The following IMMP2L variants were observed in gnomAD, a reference collection of about 807,000 sequenced individuals.
IMMP2L encodes mitochondrial inner membrane protease subunit 2.
IMMP2L carries 18 observed loss-of-function variants against 19.3 expected under a neutral mutation model. That is an observed-to-expected ratio of 0.93 (90% CI 0.64 to 1.38). IMMP2L has a LOEUF of 1.38. Ranked by LOEUF, IMMP2L falls within the 40% of genes most tolerant of loss-of-function variation. The pLI is 0.00. For missense variants in IMMP2L, 233 were observed against 218.2 expected (o/e 1.07, Z -0.43); for synonymous variants, 76 against 73.0 (o/e 1.04, Z -0.21).
At chr7:110,664,206 C>T (rs1437159656) in intron 5 of IMMP2L, among the ~76,000 whole-genome samples, 10 of 152,012 alleles carry the variant, frequency 6.6e-5, no homozygotes, top group Admixed American at 2.6e-4. Flanking sequence ...CCTAGAGAGA[C>T]TTTCTTTATG....
chr7:111,293,299 G>C (rs1214356595), intron 3 of IMMP2L, among the ~76,000 whole-genome samples: 3 of 151,890 alleles, frequency 2.0e-5, no homozygotes, highest in Admixed American at 6.6e-5. Flanking sequence ...CTTTTTGTGA[G>C]AGCAATTTTT....
chr7:111,150,663 G>A (rs867764041), intron 3 of IMMP2L, among the ~76,000 whole-genome samples: 10 of 152,114 alleles, frequency 6.6e-5, no homozygotes, highest in African/African-American at 1.2e-4. Flanking sequence ...AGAATTTTAC[G>A]CTCTCGAAGT....
At chr7:111,079,633 T>A (rs2129576262) in intron 3 of IMMP2L, among the ~76,000 whole-genome samples, 1 of 152,320 alleles carries the variant, frequency 6.6e-6, no homozygotes, top group South Asian at 2.1e-4. Context: ...CATAACATTT[T>A]TAAATTAGTA....
chr7:111,288,508 A>T (rs37756), intron 3 of IMMP2L, among the ~76,000 whole-genome samples: 92,018 of 151,858 alleles, frequency 0.61, 29,451 homozygotes, highest in African/African-American at 0.81. Flanking sequence ...TGGGAGAAAA[A>T]TTTTGCAATC....
At chr7:111,474,856 C>G (rs890535418) in intron 3 of IMMP2L, among the ~76,000 whole-genome samples, 1 of 151,906 alleles carries the variant, frequency 6.6e-6, no homozygotes, top group South Asian at 2.1e-4. Context: ...TTAATAAACC[C>G]GGAATATTTT....
At chr7:110,951,166 A>G (rs980559866) in intron 4 of IMMP2L, among the ~76,000 whole-genome samples, 3 of 151,808 alleles carry the variant, frequency 2.0e-5, no homozygotes, top group Non-Finnish European at 4.4e-5. Flanking sequence ...AAATTAGGTT[A>G]AGCAAGATGA....
intron 5 of IMMP2L, among the ~76,000 whole-genome samples, chr7:110,871,813 A>G (rs1422897214): frequency 6.6e-6 from 1 of 152,156 alleles, no homozygotes; most frequent in Non-Finnish European, 1.5e-5. Flanking sequence ...TTTAAGTATG[A>G]AATACTATCT....
In IMMP2L at chr7:111,463,627, G is replaced by A. The variant is rs143111231; in HGVS notation, c.239+23611C>T. ...CACTAGCCCCGCTCCCATAATTCTAGCTCTCACCAGAATGGGTAATTCCAT... is the reference window on the plus strand; with the variant it reads ...CACTAGCCCCGCTCCCATAATTCTAACTCTCACCAGAATGGGTAATTCCAT... On this transcript the variant is annotated intron_variant, in intron 3 of 5. Transcript: ENST00000405709. Among the ~76,000 whole-genome samples, 13 of 152,192 alleles carry A rather than the reference G, an allele frequency of 8.5e-5. No homozygotes were observed. In the East Asian group the frequency reaches 2.1e-3, roughly 25 times the overall value.
rs922808107 is a variant in IMMP2L at position 111,080,412 on chromosome 7, G to A, written c.240-116847C>T. On this transcript the variant is annotated intron_variant, in intron 3 of 5. Transcript: ENST00000405709. ...TATATGTAAACATACACACACACAC[G>A]TATATACTTATATACACATGTATAT... Among the ~76,000 whole-genome samples, 8 of 150,760 alleles carry A rather than the reference G, an allele frequency of 5.3e-5. No individual in the cohort carries two copies. In the South Asian group the frequency reaches 6.3e-4, roughly 12 times the overall value.
At chr7:111,511,263 T>C (rs1845410702) in intron 2 of IMMP2L, among the ~76,000 whole-genome samples, 1 of 152,002 alleles carries the variant, frequency 6.6e-6, no homozygotes, top group Non-Finnish European at 1.5e-5. Flanking sequence ...AATGACACCA[T>C]CGCTCCCCTG....
chr7:110,889,508 G>T (rs1040017917), intron 4 of IMMP2L, among the ~76,000 whole-genome samples: 1 of 152,108 alleles, frequency 6.6e-6, no homozygotes, highest in Non-Finnish European at 1.5e-5. Context: ...ACGAGGCGGG[G>T]CTCAGGCAGT....
intron 3 of IMMP2L, among the ~76,000 whole-genome samples, chr7:110,965,339 T>C (rs761755388): frequency 6.6e-6 from 1 of 152,068 alleles, no homozygotes; most frequent in Non-Finnish European, 1.5e-5. Flanking sequence ...ATTCAAACTG[T>C]ACATTTCATC....
chr7:111,367,289 A>G (rs994691356), intron 3 of IMMP2L, among the ~76,000 whole-genome samples: 8 of 151,946 alleles, frequency 5.3e-5, no homozygotes, highest in African/African-American at 1.2e-4. Flanking sequence ...CAAAACTACA[A>G]TAAGAATACG....
chr7:110,994,897 T>A (rs963260776), intron 3 of IMMP2L, among the ~76,000 whole-genome samples: 1 of 152,058 alleles, frequency 6.6e-6, no homozygotes, highest in Non-Finnish European at 1.5e-5. Flanking sequence ...TCAATTGATA[T>A]TACACAGAAA....
chr7:111,510,385 T>C (rs758311432), intron 2 of IMMP2L, among the ~76,000 whole-genome samples: 1 of 152,088 alleles, frequency 6.6e-6, no homozygotes, highest in African/African-American at 2.4e-5. Context: ...TACATACATA[T>C]ACATAAATAT....
chr7:111,341,176 T>C (rs1252291346), intron 3 of IMMP2L, among the ~76,000 whole-genome samples: 3 of 152,174 alleles, frequency 2.0e-5, no homozygotes, highest in South Asian at 2.1e-4. Flanking sequence ...ATAATTCGTC[T>C]ACTAATCAGC....
At chr7:110,681,430 T>C (rs1792711270) in intron 5 of IMMP2L, among the ~76,000 whole-genome samples, 1 of 152,138 alleles carries the variant, frequency 6.6e-6, no homozygotes, top group Non-Finnish European at 1.5e-5. Context: ...TGAAGGTTTG[T>C]ACACAGCCAT....
chr7:111,400,589 G>A (rs569747533), intron 3 of IMMP2L, among the ~76,000 whole-genome samples: 1 of 152,046 alleles, frequency 6.6e-6, no homozygotes, highest in South Asian at 2.1e-4. Flanking sequence ...CTTTTCTATG[G>A]ATCAGCCATC....
At chr7:110,811,908 T>C (rs1039249872) in intron 5 of IMMP2L, among the ~76,000 whole-genome samples, 2 of 152,012 alleles carry the variant, frequency 1.3e-5, no homozygotes, top group African/African-American at 2.4e-5. Flanking sequence ...GCCACAGTGA[T>C]TGGCTCAGGG....
Sources: gnomAD v4.1 joint callset for allele counts (sites outside exome capture counted in the v4.1 genomes callset) on GRCh38, gnomAD v4.1.1 for gene constraint, MANE v1.5 for transcripts, NCBI Gene and HGNC (gene_info 2026-07-23, HGNC 2026-07-21) for gene names.